The following ZPLD1 variants were observed in gnomAD, a reference collection of about 807,000 sequenced individuals.
The protein encoded by ZPLD1 is zona pellucida-like domain-containing protein 1.
Under a neutral mutation model 47.2 loss-of-function variants are expected in ZPLD1, and 34 were observed. The ratio of observed to expected loss-of-function variants is 0.72; its 90% confidence interval spans 0.55 to 0.96. The LOEUF is 0.96. Among genes scored for constraint, ZPLD1 ranks in the 40% least tolerant of loss-of-function variants. The pLI is 0.00. For synonymous variants in ZPLD1, 176 were observed against 186.2 expected, an observed-to-expected ratio of 0.95 and a Z score of 0.45; for missense variants, 512 against 505.8, an observed-to-expected ratio of 1.01 and a Z score of -0.12.
Position 102,438,503 on chromosome 3 carries a change from T to C in ZPLD1, c.16T>C (p.Leu6=), listed in dbSNP as rs768901721. 5.0e-6 allele frequency: 8 copies of C among 1,613,802 alleles called. No homozygotes were observed. In the Admixed American group the frequency reaches 1.2e-4, roughly 24 times the overall value. Residue 6 remains leucine (L), a synonymous_variant, in exon 3 of 12, where the codon TTG becomes CTG. Transcript: ENST00000466937. MEQIW[L]LLLLTIRVLP... ...AGGTTTTGCAATGGAACAAATATGG[T>C]TGCTGCTGCTTCTAACAATTAGAGT...
chr3:102,422,135 T>A (rs552005907), intron 8 of ZPLD1, among the ~76,000 whole-genome samples: 2 of 152,026 alleles, frequency 1.3e-5, no homozygotes, highest in Non-Finnish European at 2.9e-5. Context: ...AGCAAGATAA[T>A]CATTCATTTA....
intron 8 of ZPLD1, among the ~76,000 whole-genome samples, chr3:102,429,440 A>G (rs536876163): frequency 2.6e-5 from 4 of 152,302 alleles, no homozygotes; most frequent in East Asian, 3.9e-4. Context: ...GGGAATTTCT[A>G]TATTACAAGA....
intron 2 of ZPLD1, among the ~76,000 whole-genome samples, chr3:102,438,070 A>C (rs746991628): frequency 1.3e-4 from 20 of 152,170 alleles, no homozygotes; most frequent in Non-Finnish European, 2.5e-4. Context: ...CCAACATTTA[A>C]ATTCCTCTGA....
chr3:102,426,149 C>T (rs185349934), intron 8 of ZPLD1, among the ~76,000 whole-genome samples: 1 of 151,748 alleles, frequency 6.6e-6, no homozygotes, highest in African/African-American at 2.4e-5. Context: ...CACACACACA[C>T]ACACACACAT....
chr3:102,466,297 G>T (rs948589619), intron 8 of ZPLD1, among the ~76,000 whole-genome samples: 3 of 152,112 alleles, frequency 2.0e-5, no homozygotes, highest in African/African-American at 7.2e-5. Context: ...CTTAAGGAAG[G>T]TATTTACCAT....
intron 3 of ZPLD1, among the ~76,000 whole-genome samples, chr3:102,448,954 G>C (rs538324109): frequency 3.3e-5 from 5 of 152,296 alleles, no homozygotes; most frequent in Admixed American, 1.3e-4. Flanking sequence ...AAGTTGTAGT[G>C]AACTCTCTAA....
intron 7 of ZPLD1, among the ~76,000 whole-genome samples, chr3:102,394,287 CA>C (rs1393033267): frequency 6.6e-6 from 1 of 152,098 alleles, no homozygotes; most frequent in African/African-American, 2.4e-5. Flanking sequence ...TACATTTAAA[CA>C]TAGAAGTCAG....
chr3:102,420,659 A>G (rs1706866029), intron 8 of ZPLD1, among the ~76,000 whole-genome samples: 1 of 151,852 alleles, frequency 6.6e-6, no homozygotes, highest in South Asian at 2.1e-4. Context: ...CGTGGACCAT[A>G]CAAAAATAGG....
chr3:102,457,866 G>C lies in ZPLD1; in HGVS notation c.582+13G>C, dbSNP rs557238343. The C allele has an allele frequency of 8.1e-5, 131 of 1,613,076 alleles. No homozygotes were observed. The South Asian group carries it at 1.3e-3, about 16-fold the overall frequency. On this transcript the variant is annotated intron_variant, in intron 6 of 11. Transcript: ENST00000466937. ...GCTCCTTTATAACGTAAGTTGATGG[G>C]TGAAGGATGTTATTTTCTCTTTCAC...
chr3:102,475,245 C>A (rs1707740871), intron 10 of ZPLD1, among the ~76,000 whole-genome samples: 1 of 151,816 alleles, frequency 6.6e-6, no homozygotes, highest in Non-Finnish European at 1.5e-5. Flanking sequence ...GATTTTTGTC[C>A]ACAGCGAAGT....
intron 7 of ZPLD1, among the ~76,000 whole-genome samples, chr3:102,405,175 T>G (rs1706667679): frequency 6.6e-6 from 1 of 151,980 alleles, no homozygotes. Flanking sequence ...ATAAGTGCAC[T>G]TAATAATCCA....
At chr3:102,435,269 T>C in intron 1 of ZPLD1, 115 bp downstream of exon 1, 1 of 1,126,140 alleles carries the variant, frequency 8.9e-7, no homozygotes, top group South Asian at 1.3e-5. Flanking sequence ...ACTATAGAGA[T>C]TCAAAATAGG....
At chr3:102,461,819 T>C (rs1349857695) in intron 6 of ZPLD1, among the ~76,000 whole-genome samples, 4 of 152,044 alleles carry the variant, frequency 2.6e-5, no homozygotes, top group East Asian at 1.9e-4. Context: ...AAGTGATTTT[T>C]GGTAAATAAA....
chr3:102,457,555 T>C (rs1707437778), intron 5 of ZPLD1, among the ~76,000 whole-genome samples: 1 of 152,170 alleles, frequency 6.6e-6, no homozygotes, highest in South Asian at 2.1e-4. Context: ...ACAAAAAAGA[T>C]TGCTTTAAAA....
chr3:102,410,342 A>G (rs1001333580), intron 7 of ZPLD1, among the ~76,000 whole-genome samples: 10 of 151,748 alleles, frequency 6.6e-5, no homozygotes, highest in Non-Finnish European at 1.2e-4. Flanking sequence ...AAACACATGC[A>G]TTACTTTACT....
chr3:102,415,709 C>T (rs1576133160), intron 7 of ZPLD1, among the ~76,000 whole-genome samples: 1 of 151,954 alleles, frequency 6.6e-6, no homozygotes, highest in East Asian at 1.9e-4. Flanking sequence ...TACTGACTTA[C>T]TAACGATGCT....
At chr3:102,468,078 C>A (rs1707625824) in intron 8 of ZPLD1, among the ~76,000 whole-genome samples, 1 of 151,968 alleles carries the variant, frequency 6.6e-6, no homozygotes, top group African/African-American at 2.4e-5. Flanking sequence ...TACACAAACT[C>A]ATTAATTATA....
At position 102,478,449 on chromosome 3, in the gene ZPLD1, T is replaced by A. The variant is rs1186572427; in HGVS notation, c.*831T>A. 2.4e-5 allele frequency: 1 copy of A among 42,092 alleles called. No homozygotes were observed. The highest frequency in any genetic ancestry group is 7.1e-4 in the South Asian group (1 of 1,402). 2.6% of individuals were successfully genotyped at this position (42,092 alleles called of 1,614,324 possible). ...AAGATTATTTTTAATTCAAGAATCA[T>A]CACATGTGAAAACAAGCTGTAGTTG... is the stretch of plus-strand genomic sequence containing the variant. On this transcript the variant is annotated 3_prime_UTR_variant, in exon 12 of 12. Coordinates refer to ENST00000466937, the MANE Select transcript of ZPLD1 (RefSeq NM_001329788.2).
chr3:102,454,256 G>C lies in ZPLD1; in HGVS notation c.327+1117G>C, dbSNP rs530779457. 7.0e-4 allele frequency among the ~76,000 whole-genome samples: 106 copies of C among 152,226 alleles called. 1 individual carries two copies. Among genetic ancestry groups the C allele is most frequent in the African/African-American group, 2.4e-3 (100 of 41,546 alleles). On this transcript the variant is annotated intron_variant, in intron 4 of 11. Transcript: ENST00000466937. ...CCAAGCCTGCAGCTTGAGTATTGTT[G>C]ACTCTTTTTATTAAAAACGTTTATT...
Sources: gnomAD v4.1 joint callset for allele counts (sites outside exome capture counted in the v4.1 genomes callset) on GRCh38, gnomAD v4.1.1 for gene constraint, MANE v1.5 for transcripts, NCBI Gene and HGNC (gene_info 2026-07-23, HGNC 2026-07-21) for gene names.